Variants in ATAD2B observed in about 807,000 individuals in gnomAD.
ATAD2B encodes the protein ATPase family AAA domain containing 2B, also known as ATPase family AAA domain-containing protein 2B.
In ATAD2B, 40 loss-of-function variants were observed where a neutral mutation model predicts 167.6. The observed-to-expected ratio is 0.24, with a 90% CI of 0.19 to 0.31. The LOEUF is 0.31. Among genes scored for constraint, ATAD2B ranks in the 10% least tolerant of loss-of-function variants. The probability of loss-of-function intolerance (pLI) is 1.00; values close to 1 mark genes in which losing one functional copy is unlikely to be tolerated. For synonymous variants in ATAD2B, 579 were observed against 596.5 expected (o/e 0.97, Z 0.43); for missense variants, 1,242 against 1,757.2 (o/e 0.71, Z 5.24).
the ATAD2B span, among the ~76,000 whole-genome samples, chr2:23,687,893 T>TAC: frequency 6.6e-6 from 1 of 152,054 alleles, no homozygotes; most frequent in Non-Finnish European, 1.5e-5. Context: ...GATGTGTGTT[T>TAC]TGTAAAGATG....
chr2:23,822,827 A>G (rs1366919501), intron 16 of ATAD2B, among the ~76,000 whole-genome samples: 1 of 148,612 alleles, frequency 6.7e-6, no homozygotes, highest in African/African-American at 2.5e-5. Context: ...CTGAGGCAGG[A>G]GAATCGCTGT....
At chr2:23,746,404 T>C (rs773426573), downstream of ATAD2B, among the ~76,000 whole-genome samples, 1 of 152,330 alleles carries the variant, frequency 6.6e-6, no homozygotes, top group South Asian at 2.1e-4. Flanking sequence ...TGTGTCTGTA[T>C]AGCACTCAGA....
the ATAD2B span, chr2:23,685,325 C>T: frequency 6.6e-6 from 1 of 152,156 alleles, no homozygotes; most frequent in African/African-American, 2.4e-5. Context: ...CCTTCCAGCT[C>T]CGTAGTAAGG....
intron 13 of ATAD2B, among the ~76,000 whole-genome samples, chr2:23,843,156 A>G (rs1318717353): frequency 6.6e-6 from 1 of 152,224 alleles, no homozygotes; most frequent in Non-Finnish European, 1.5e-5. Flanking sequence ...GAAAAACAGA[A>G]ACAATGAAAA....
chr2:23,693,970 C>T, the ATAD2B span, among the ~76,000 whole-genome samples: 3 of 152,218 alleles, frequency 2.0e-5, no homozygotes, highest in African/African-American at 7.2e-5. Flanking sequence ...GGCTCCCGCC[C>T]CAGATCTCGC....
chr2:23,918,979 G>A (rs1022770688), intron 1 of ATAD2B, among the ~76,000 whole-genome samples: 2 of 152,198 alleles, frequency 1.3e-5, no homozygotes, highest in Non-Finnish European at 2.9e-5. Flanking sequence ...GCACGTATGA[G>A]ATGCTAAATA....
Position 23,751,982 on chromosome 2 carries a change from A to G in ATAD2B, c.*64T>C. On this transcript the variant is annotated 3_prime_UTR_variant, in exon 28 of 28. Transcript: ENST00000238789. ...CATAATTGGTGCAATTTGAAATTGA[A>G]TGGCTCAGAAGACTGCTCTGTGAGG... 8.0e-7 allele frequency: 1 copy of G among 1,256,046 alleles called. No individual in the cohort carries two copies. The allele number at this position is 1,256,046 out of a possible 1,614,324, so 77.8% of individuals were successfully genotyped here.
Position 23,927,090 on chromosome 2 carries a change from T to G in ATAD2B, c.-320A>C, listed in dbSNP as rs1303832730. On this transcript the variant is annotated 5_prime_UTR_variant, in exon 1 of 28. Coordinates refer to ENST00000238789, the MANE Select transcript of ATAD2B (RefSeq NM_017552.4). ...CTCCCGTTCTCGCTCTCGAGCTCCG[T>G]GCGTCAAGGCTCCAGCGCCGCAGGG... is the stretch of plus-strand genomic sequence containing the variant. The G allele has an allele frequency of 3.6e-6, 1 of 279,050 alleles. No homozygotes were observed. The highest frequency in any genetic ancestry group is 6.7e-6 in the Non-Finnish European group (1 of 148,764). The allele number at this position is 279,050 out of a possible 1,614,324, so 17.3% of individuals were successfully genotyped here. A position where few individuals can be genotyped will look rare whatever the true frequency, so the allele number is the denominator to read the frequency against.
the ATAD2B span, among the ~76,000 whole-genome samples, chr2:23,711,342 CTTTTTTTTTTTTTTTTTTTTTTTTTT>C: frequency 6.3e-5 from 5 of 79,784 alleles, no homozygotes; most frequent in Admixed American, 3.0e-4. Flanking sequence ...GAATTTCTTT[CTTTTTTTTTTTTTTTTTTTTTTTTTT>C]TTTTTTTTTT....
chr2:23,865,207 A>G (rs1165431735), intron 10 of ATAD2B, among the ~76,000 whole-genome samples: 1 of 152,052 alleles, frequency 6.6e-6, no homozygotes, highest in African/African-American at 2.4e-5. Flanking sequence ...TTTATATTAT[A>G]CTAACATATA....
chr2:23,778,063 C>T (rs1368460551), intron 22 of ATAD2B, among the ~76,000 whole-genome samples: 2 of 152,090 alleles, frequency 1.3e-5, no homozygotes, highest in Non-Finnish European at 2.9e-5. Context: ...CATGTAATTT[C>T]CACTTGCTAC....
At position 23,771,446 on chromosome 2, in the gene ATAD2B, T is replaced by C. The variant is rs544744168; in HGVS notation, c.3134-5818A>G. Reference sequence around the variant, plus strand: ...AAATGTAGGCTTTTTGTAGACATCATTTATCACTGAACTGAAAAGCGGGGA... The same window carrying C: ...AAATGTAGGCTTTTTGTAGACATCACTTATCACTGAACTGAAAAGCGGGGA... On this transcript the variant is annotated intron_variant, in intron 22 of 27. Transcript: ENST00000238789. Among the ~76,000 whole-genome samples, 20 of 152,302 alleles carry C rather than the reference T, an allele frequency of 1.3e-4. No individual in the cohort carries two copies. The South Asian group carries it at 4.1e-3, about 32-fold the overall frequency.
At chr2:23,889,589 CCAGCAAAGGTCA>C (rs1417407339) in intron 2 of ATAD2B, among the ~76,000 whole-genome samples, 12 of 152,014 alleles carry the variant, frequency 7.9e-5, no homozygotes, top group Non-Finnish European at 1.3e-4. Context: ...TACCCCTGGC[CCAGCAAAGGTCA>C]CAGTTAAGAC....
the ATAD2B span, among the ~76,000 whole-genome samples, chr2:23,736,358 T>C: frequency 1.2e-4 from 18 of 152,172 alleles, no homozygotes; most frequent in Non-Finnish European, 2.2e-4. Flanking sequence ...CACTCTTAAA[T>C]AGGAGCAGAT....
the ATAD2B span, chr2:23,696,226 G>A: frequency 1.3e-6 from 2 of 1,492,768 alleles, no homozygotes; most frequent in South Asian, 2.5e-5. This position sits in a 1 kb window ranked among gnomAD's most constrained non-coding sequence, Gnocchi z 5.5. Flanking sequence ...TGGCCCAGAA[G>A]TGTCTACTTT....
chr2:23,741,837 G>C, the ATAD2B span, among the ~76,000 whole-genome samples: 1 of 152,098 alleles, frequency 6.6e-6, no homozygotes, highest in Non-Finnish European at 1.5e-5. Flanking sequence ...AATCTACAAT[G>C]AACTCAAACA....
At chr2:23,883,413 T>C (rs141678407) in intron 6 of ATAD2B, among the ~76,000 whole-genome samples, 2 of 152,230 alleles carry the variant, frequency 1.3e-5, no homozygotes, top group East Asian at 3.9e-4. Flanking sequence ...TAAATAATAC[T>C]ATAAAATACT....
the ATAD2B span, among the ~76,000 whole-genome samples, chr2:23,716,379 G>A: frequency 6.6e-6 from 1 of 152,050 alleles, no homozygotes; most frequent in African/African-American, 2.4e-5. Context: ...GAAATTCCAG[G>A]GCATCTAATA....
chr2:23,866,509 A>C (rs1695158461), intron 10 of ATAD2B, among the ~76,000 whole-genome samples: 4 of 152,186 alleles, frequency 2.6e-5, no homozygotes, highest in African/African-American at 9.6e-5. Context: ...ATGAAAGGAA[A>C]ATAAAAATGA....
Sources: gnomAD v4.1 joint callset for allele counts (sites outside exome capture counted in the v4.1 genomes callset) on GRCh38, gnomAD v4.1.1 for gene constraint, Gnocchi (gnomAD v3.1) non-coding constraint, MANE v1.5 for transcripts, NCBI Gene and HGNC (gene_info 2026-07-23, HGNC 2026-07-21) for gene names.